MAF: variants seen among roughly 807,000 people sequenced by gnomAD.
MAF encodes the protein transcription factor Maf.
MAF carries 10 observed loss-of-function variants against 22.0 expected under a neutral mutation model. The ratio of observed to expected loss-of-function variants is 0.45; its 90% CI spans 0.28 to 0.77. MAF has a LOEUF of 0.77. MAF is among the 30% of genes least tolerant of loss of function. The pLI is 0.12. For synonymous variants in MAF, 337 were observed against 255.8 expected (o/e 1.32, Z -3.03); for missense variants, 544 against 548.4 (o/e 0.99, Z 0.08).
chr16:79,501,805 A>G, the MAF span, among the ~76,000 whole-genome samples: 6,386 of 152,270 alleles, frequency 0.042, 442 homozygotes, highest in African/African-American at 0.14. Context: ...TTTTAAATGG[A>G]AAAGAAAACT....
At chr16:79,393,130 T>A in the MAF span, among the ~76,000 whole-genome samples, 1 of 152,232 alleles carries the variant, frequency 6.6e-6, no homozygotes. Flanking sequence ...GATTATACTC[T>A]TCAGCACTTA....
the MAF span, among the ~76,000 whole-genome samples, chr16:79,440,634 C>A: frequency 6.2e-4 from 95 of 152,254 alleles, no homozygotes; most frequent in African/African-American, 2.2e-3. Context: ...AGGGGTTTCA[C>A]CATGTTGACC....
the MAF span, among the ~76,000 whole-genome samples, chr16:79,299,055 C>T: frequency 1.3e-5 from 2 of 152,228 alleles, no homozygotes; most frequent in African/African-American, 4.8e-5. Context: ...TGGGGCTCGG[C>T]GGCAACAAGC....
At chr16:79,230,449 C>T in the MAF span, among the ~76,000 whole-genome samples, 1 of 152,168 alleles carries the variant, frequency 6.6e-6, no homozygotes, top group Non-Finnish European at 1.5e-5. Context: ...AGACCCTGCC[C>T]TTGCCCGGGT....
the MAF span, among the ~76,000 whole-genome samples, chr16:79,481,140 T>C: frequency 6.6e-6 from 1 of 151,638 alleles, no homozygotes; most frequent in Non-Finnish European, 1.5e-5. Context: ...ATGTGTTGCT[T>C]GGCCTCAGTA....
chr16:79,589,087 G>T (rs1312522654), downstream of MAF, among the ~76,000 whole-genome samples: 2 of 152,078 alleles, frequency 1.3e-5, no homozygotes, highest in African/African-American at 2.4e-5. Context: ...GAGAGGGAGA[G>T]AGTAAAAAGT....
chr16:79,490,359 A>G, the MAF span, among the ~76,000 whole-genome samples: 1 of 152,222 alleles, frequency 6.6e-6, no homozygotes, highest in African/African-American at 2.4e-5. Context: ...TCTATACCCA[A>G]GGAAACCCAA....
At chr16:79,434,052 C>T in the MAF span, among the ~76,000 whole-genome samples, 1,303 of 152,250 alleles carry the variant, frequency 8.6e-3, 12 homozygotes, top group Non-Finnish European at 0.014. Flanking sequence ...CTGTTCTCCC[C>T]GTTGCATAGG....
chr16:79,349,320 G>T, the MAF span, among the ~76,000 whole-genome samples: 5 of 152,100 alleles, frequency 3.3e-5, no homozygotes, highest in Non-Finnish European at 7.4e-5. Context: ...CTGTGATGAG[G>T]CATCCAAGAC....
At chr16:79,237,899 C>T in the MAF span, among the ~76,000 whole-genome samples, 2 of 152,246 alleles carry the variant, frequency 1.3e-5, no homozygotes, top group East Asian at 3.9e-4. Context: ...CCAGATGCAC[C>T]CTCCAGGTCC....
chr16:79,314,848 T>C, the MAF span, among the ~76,000 whole-genome samples: 1 of 152,186 alleles, frequency 6.6e-6, no homozygotes, highest in Admixed American at 6.5e-5. Flanking sequence ...TGAGCCTCCC[T>C]GAGCCTCCTC....
At position 79,598,549 on chromosome 16, in the gene MAF, C is replaced by A. The variant is rs1913721607; in HGVS notation, c.1118+236G>T. The stretch of plus-strand genomic sequence containing the variant: ...CCATTCCCTCCCCAGTTTAAAACAG[C>A]CACCACCACCACAAACTCGAGCAGG... On this transcript the variant is annotated intron_variant, in intron 1 of 1. Transcript: ENST00000326043. The A allele has an allele frequency of 5.6e-6, 8 of 1,424,098 alleles. No homozygotes were observed. The Admixed American group carries it at 2.0e-4, about 36-fold the overall frequency. 88.2% of individuals were successfully genotyped at this position (1,424,098 alleles called of 1,614,324 possible).
the MAF span, among the ~76,000 whole-genome samples, chr16:79,384,770 T>A: frequency 6.6e-6 from 1 of 151,838 alleles, no homozygotes; most frequent in Admixed American, 6.6e-5. Flanking sequence ...AAAAATAAAA[T>A]AAAATAAAAT....
At chr16:79,266,512 A>G in the MAF span, among the ~76,000 whole-genome samples, 2 of 152,302 alleles carry the variant, frequency 1.3e-5, no homozygotes, top group East Asian at 1.9e-4. Context: ...TAACCAAGAA[A>G]AAAACAACAT....
chr16:79,492,845 A>C, the MAF span, among the ~76,000 whole-genome samples: 4 of 152,268 alleles, frequency 2.6e-5, no homozygotes, highest in Non-Finnish European at 5.9e-5. Context: ...GTTAGAAGTT[A>C]AGAGAGATAT....
the MAF span, among the ~76,000 whole-genome samples, chr16:79,384,155 A>C: frequency 7.2e-5 from 11 of 152,178 alleles, no homozygotes; most frequent in Non-Finnish European, 1.6e-4. Context: ...TTTTAAAAAA[A>C]AGTGATGGCC....
At chr16:79,467,133 A>T in the MAF span, among the ~76,000 whole-genome samples, 1 of 152,064 alleles carries the variant, frequency 6.6e-6, no homozygotes, top group African/African-American at 2.4e-5. Context: ...TGCTGATCAA[A>T]CCCCTTACAG....
chr16:79,327,514 G>T, the MAF span, among the ~76,000 whole-genome samples: 1 of 152,184 alleles, frequency 6.6e-6, no homozygotes, highest in Admixed American at 6.5e-5. Context: ...AAAGCTGCAA[G>T]GTATTGATTT....
the MAF span, among the ~76,000 whole-genome samples, chr16:79,414,566 A>T: frequency 6.6e-6 from 1 of 152,222 alleles, no homozygotes; most frequent in African/African-American, 2.4e-5. Flanking sequence ...ACATTTCAAC[A>T]TGAGATTTAG....
Sources: gnomAD v4.1 joint callset for allele counts (sites outside exome capture counted in the v4.1 genomes callset) on GRCh38, gnomAD v4.1.1 for gene constraint, MANE v1.5 for transcripts, NCBI Gene and HGNC (gene_info 2026-07-23, HGNC 2026-07-21) for gene names.